The following CCDC178 variants were observed in gnomAD, a reference collection of about 807,000 sequenced individuals.
CCDC178 encodes the protein coiled-coil domain containing 178, also known as coiled-coil domain-containing protein 178.
CCDC178 carries 126 observed loss-of-function variants against 117.4 expected under a neutral mutation model. The observed-to-expected ratio is 1.07, with a 90% confidence interval of 0.93 to 1.24. The LOEUF (loss-of-function observed/expected upper bound fraction) is 1.24, where lower values mean the gene tolerates loss of function less well. CCDC178 is among the 50% of genes most tolerant of loss of function. The pLI, the probability that CCDC178 is intolerant of heterozygous loss-of-function variation, is 0.00. For synonymous variants in CCDC178, 283 were observed against 313.4 expected (o/e 0.90, Z 1.02); for missense variants, 1,030 against 986.9 (o/e 1.04, Z -0.59).
chr18:33,223,937 C>T (rs866012291), intron 17 of CCDC178, among the ~76,000 whole-genome samples: 2 of 152,150 alleles, frequency 1.3e-5, no homozygotes, highest in Non-Finnish European at 2.9e-5. Context: ...ACCTTATACA[C>T]GTTGCTCAGG....
At chr18:33,147,834 A>G (rs2058289541) in intron 20 of CCDC178, among the ~76,000 whole-genome samples, 1 of 152,096 alleles carries the variant, frequency 6.6e-6, no homozygotes, top group African/African-American at 2.4e-5. Flanking sequence ...TTTCTATTCG[A>G]CAAAACTGCC....
At chr18:33,164,103 C>CTTT (rs34932085) in intron 20 of CCDC178, among the ~76,000 whole-genome samples, 23 of 111,306 alleles carry the variant, frequency 2.1e-4, no homozygotes, top group Middle Eastern at 4.8e-3. Context: ...CGCTTACATT[C>CTTT]TTTTTTTTTT....
chr18:33,113,332 T>C (rs960119773), intron 20 of CCDC178, among the ~76,000 whole-genome samples: 3 of 152,068 alleles, frequency 2.0e-5, no homozygotes, highest in Admixed American at 2.0e-4. Context: ...ATTTCTTTTG[T>C]TGGACTTTAT....
At chr18:32,963,640 C>T (rs910624444) in intron 22 of CCDC178, among the ~76,000 whole-genome samples, 1 of 151,910 alleles carries the variant, frequency 6.6e-6, no homozygotes, top group Non-Finnish European at 1.5e-5. Flanking sequence ...TACCTTTTGT[C>T]GATGTACCCT....
rs958444051 is a variant in CCDC178 at position 32,959,868 on chromosome 18, TA to T, written c.2523+14678del. ...AATGTCCTGCTGGCATAGAGTGAAT[TA>T]AAAAAAAATAAAAATGCTGGAGTCT... On this transcript the variant is annotated intron_variant, in intron 22 of 22. Transcript: ENST00000383096. Among the ~76,000 whole-genome samples, 7 of 151,010 alleles carry T rather than the reference TA, an allele frequency of 4.6e-5. No homozygotes were observed. The East Asian group carries it at 5.8e-4, about 13-fold the overall frequency.
intron 14 of CCDC178, among the ~76,000 whole-genome samples, chr18:33,248,310 A>G (rs1407799942): frequency 1.3e-5 from 2 of 151,864 alleles, no homozygotes; most frequent in Non-Finnish European, 2.9e-5. Flanking sequence ...TCTAGGGTAC[A>G]TGTGCACAAT....
At chr18:33,005,172 T>C (rs1183061096) in intron 21 of CCDC178, among the ~76,000 whole-genome samples, 1 of 152,148 alleles carries the variant, frequency 6.6e-6, no homozygotes, top group East Asian at 1.9e-4. Context: ...CTCTCATGTT[T>C]ACTGCAGCAC....
intron 19 of CCDC178, among the ~76,000 whole-genome samples, chr18:33,214,849 T>G (rs1406437646): frequency 6.6e-6 from 1 of 152,170 alleles, no homozygotes; most frequent in African/African-American, 2.4e-5. Flanking sequence ...ATTATGATTT[T>G]GCTAATGCTT....
Position 33,157,415 on chromosome 18 carries a change from C to G in CCDC178, c.2238+54481G>C, listed in dbSNP as rs2058413987. 2.0e-5 allele frequency among the ~76,000 whole-genome samples: 3 copies of G among 152,046 alleles called. No individual in the cohort carries two copies. The South Asian group carries it at 6.2e-4, about 32-fold the overall frequency. On this transcript the variant is annotated intron_variant, in intron 20 of 22. Coordinates refer to ENST00000383096, the MANE Select transcript of CCDC178 (RefSeq NM_001105528.4). ...TATTAGGTTCTATGCTTTCTGTAAC[C>G]CTTCTTTTAAATGAACTAATATGAT...
intron 14 of CCDC178, among the ~76,000 whole-genome samples, chr18:33,253,287 A>G (rs2059637936): frequency 6.6e-6 from 1 of 151,886 alleles, no homozygotes; most frequent in Admixed American, 6.6e-5. Context: ...AAGGTAAACT[A>G]TATATGAACA....
intron 21 of CCDC178, among the ~76,000 whole-genome samples, chr18:33,026,624 A>G (rs974650430): frequency 1.3e-5 from 2 of 151,974 alleles, no homozygotes; most frequent in African/African-American, 4.8e-5. Context: ...CAGCCAGAAG[A>G]AAAAGTATAT....
At chr18:33,117,471 C>T (rs939366822) in intron 20 of CCDC178, among the ~76,000 whole-genome samples, 2 of 151,962 alleles carry the variant, frequency 1.3e-5, no homozygotes, top group Non-Finnish European at 2.9e-5. Context: ...GCAACATTCC[C>T]TGAGGTGACC....
chr18:32,996,839 CAT>C (rs2055520687), intron 21 of CCDC178, among the ~76,000 whole-genome samples: 2 of 151,794 alleles, frequency 1.3e-5, no homozygotes, highest in South Asian at 2.1e-4. Context: ...AAAAGTGACA[CAT>C]GTATTATAAA....
chr18:33,055,009 T>C lies in CCDC178; in HGVS notation c.2388+37752A>G, dbSNP rs562719537. On this transcript the variant is annotated intron_variant, in intron 21 of 22. Coordinates refer to ENST00000383096, the MANE Select transcript of CCDC178 (RefSeq NM_001105528.4). ...GATGGTATCTCATTGTGGTTTGAAT[T>C]TGCATTTCTCTAATGATCAGAGATG... 8.5e-5 allele frequency among the ~76,000 whole-genome samples: 13 copies of C among 152,332 alleles called. No homozygotes were observed. The South Asian group carries it at 2.7e-3, about 32-fold the overall frequency.
intron 20 of CCDC178, among the ~76,000 whole-genome samples, chr18:33,173,102 T>G (rs987510830): frequency 2.0e-5 from 3 of 152,164 alleles, no homozygotes; most frequent in Non-Finnish European, 2.9e-5. Context: ...CAGGCTGGAT[T>G]GCAGTGGCAT....
At chr18:33,300,520 G>A (rs1034642515) in intron 11 of CCDC178, among the ~76,000 whole-genome samples, 3 of 152,156 alleles carry the variant, frequency 2.0e-5, no homozygotes, top group African/African-American at 7.2e-5. Context: ...CTGGTCAAAT[G>A]GTTGTGACCA....
intron 21 of CCDC178, among the ~76,000 whole-genome samples, chr18:33,087,817 A>T (rs1388170012): frequency 6.6e-6 from 1 of 152,212 alleles, no homozygotes; most frequent in Non-Finnish European, 1.5e-5. Context: ...TAAAAATGAG[A>T]ATCAAACAGC....
At chr18:33,187,086 G>GGAGAGAGAGAGAGAGAGAGAGAGA (rs58400297) in intron 20 of CCDC178, among the ~76,000 whole-genome samples, 4 of 140,042 alleles carry the variant, frequency 2.9e-5, no homozygotes, top group African/African-American at 6.0e-5. Context: ...CATGGCGGCA[G>GGAGAGAGAGAGAGAGAGAGAGAGA]GAGAGAGAGA....
chr18:33,210,041 T>G (rs766803601), intron 20 of CCDC178, among the ~76,000 whole-genome samples: 5 of 152,050 alleles, frequency 3.3e-5, no homozygotes, highest in Non-Finnish European at 5.9e-5. Flanking sequence ...ACAGTATTTC[T>G]GAAATGCTCC....
Sources: gnomAD v4.1 joint callset for allele counts (sites outside exome capture counted in the v4.1 genomes callset) on GRCh38, gnomAD v4.1.1 for gene constraint, MANE v1.5 for transcripts, NCBI Gene and HGNC (gene_info 2026-07-23, HGNC 2026-07-21) for gene names.